Variants in WDR7 observed in about 807,000 individuals in gnomAD.
The protein encoded by WDR7 is WD repeat domain 7, also known as WD repeat-containing protein 7.
Under a neutral mutation model 169.4 loss-of-function variants are expected in WDR7, and 46 were observed. That is an observed-to-expected ratio of 0.27 (90% confidence interval 0.21 to 0.35). WDR7 has a LOEUF of 0.35. WDR7 is among the 10% of genes least tolerant of loss of function. The pLI is 1.00. For missense variants in WDR7, 1,534 were observed against 1,859.3 expected, an observed-to-expected ratio of 0.83 and a Z score of 3.22; for synonymous variants, 612 against 666.8, an observed-to-expected ratio of 0.92 and a Z score of 1.27.
chr18:56,795,790 T>A (rs2044574513), intron 19 of WDR7, among the ~76,000 whole-genome samples: 1 of 152,226 alleles, frequency 6.6e-6, no homozygotes, highest in Non-Finnish European at 1.5e-5. Context: ...TTTTTCTTCT[T>A]AGGGTATAAA....
intron 14 of WDR7, among the ~76,000 whole-genome samples, chr18:56,750,003 A>ATGGGTGTGTGTGTGTGTGCG (rs2043763794): frequency 6.6e-6 from 1 of 150,874 alleles, no homozygotes; most frequent in Non-Finnish European, 1.5e-5. Flanking sequence ...GCTACTGTGT[A>ATGGGTGTGTGTGTGTGTGCG]TGGGTGTGTG....
chr18:56,804,160 A>G (rs1312112851), intron 19 of WDR7, among the ~76,000 whole-genome samples: 2 of 152,238 alleles, frequency 1.3e-5, no homozygotes, highest in East Asian at 1.9e-4. Context: ...GTTTTATACA[A>G]TGACACAAAG....
At chr18:56,769,856 A>AC (rs2044125184) in intron 16 of WDR7, among the ~76,000 whole-genome samples, 1 of 152,226 alleles carries the variant, frequency 6.6e-6, no homozygotes, top group Non-Finnish European at 1.5e-5. Context: ...CATAGAGTCC[A>AC]TACATCATAT....
intron 20 of WDR7, among the ~76,000 whole-genome samples, chr18:56,872,950 C>G (rs1267876416): frequency 1.3e-5 from 2 of 152,148 alleles, no homozygotes; most frequent in Non-Finnish European, 2.9e-5. Flanking sequence ...CATATTTCTT[C>G]TGTTAACAGA....
intron 2 of WDR7, among the ~76,000 whole-genome samples, chr18:56,674,585 T>C (rs1448900136): frequency 6.6e-6 from 1 of 152,224 alleles, no homozygotes; most frequent in Non-Finnish European, 1.5e-5. Flanking sequence ...TTAACAGATA[T>C]AAGATTTACA....
In WDR7 at chr18:56,710,008, T is replaced by TG. The variant is rs1428097070; in HGVS notation, c.1579-7956_1579-7955insG. 8.8e-4 allele frequency among the ~76,000 whole-genome samples: 129 copies of TG among 145,808 alleles called. 1 individual carries two copies. Among genetic ancestry groups the TG allele is most frequent in the African/African-American group, 3.1e-3 (123 of 40,160 alleles). ...ACAATTTATATATATATATAGTTGT[T>TG]TTTTTTTTTTTTTGTGATGGAGTCT... On this transcript the variant is annotated intron_variant, in intron 12 of 27. Coordinates refer to ENST00000254442, the MANE Select transcript of WDR7 (RefSeq NM_015285.3).
chr18:56,999,043 T>C (rs2047938131), intron 26 of WDR7, among the ~76,000 whole-genome samples: 2 of 152,300 alleles, frequency 1.3e-5, no homozygotes, highest in Admixed American at 6.5e-5. Context: ...TGTCTGGGGA[T>C]GTCCTGCAGG....
At chr18:56,857,129 T>G (rs1182101486) in intron 20 of WDR7, among the ~76,000 whole-genome samples, 2 of 152,186 alleles carry the variant, frequency 1.3e-5, no homozygotes, top group African/African-American at 4.8e-5. Context: ...TATAAAACAT[T>G]CAGAGTAATT....
intron 20 of WDR7, among the ~76,000 whole-genome samples, chr18:56,846,131 T>C (rs2045563956): frequency 6.6e-6 from 1 of 152,218 alleles, no homozygotes; most frequent in Non-Finnish European, 1.5e-5. Flanking sequence ...AATACTTTTA[T>C]TTTCTAAAGA....
At chr18:56,981,051 G>A (rs75490896) in intron 26 of WDR7, among the ~76,000 whole-genome samples, 5,697 of 152,226 alleles carry the variant, frequency 0.037, 129 homozygotes, top group Non-Finnish European at 0.053. Context: ...CTAGTTTCAG[G>A]CTATTCCAGA....
intron 16 of WDR7, among the ~76,000 whole-genome samples, chr18:56,761,424 T>A (rs150938212): frequency 7.2e-5 from 11 of 152,338 alleles, no homozygotes; most frequent in African/African-American, 2.2e-4. Context: ...TGATATTCAG[T>A]AGATGAAATC....
intron 7 of WDR7, among the ~76,000 whole-genome samples, chr18:56,689,150 C>A (rs765582362): frequency 1.7e-4 from 26 of 152,170 alleles, no homozygotes; most frequent in Non-Finnish European, 2.5e-4. Context: ...TACAACCCAC[C>A]AGAATGGCTT....
At chr18:56,980,571 A>G (rs920016489) in intron 26 of WDR7, among the ~76,000 whole-genome samples, 1 of 128,520 alleles carries the variant, frequency 7.8e-6, no homozygotes, top group African/African-American at 5.1e-5. Flanking sequence ...GCAAATAATT[A>G]AAGAAACACA....
chr18:56,789,065 G>A (rs1002175120), intron 19 of WDR7, among the ~76,000 whole-genome samples: 1 of 152,066 alleles, frequency 6.6e-6, no homozygotes, highest in Non-Finnish European at 1.5e-5. Context: ...AATTTTAAGC[G>A]CTCTAGACTG....
chr18:56,912,085 G>A (rs1376000743), intron 21 of WDR7, among the ~76,000 whole-genome samples: 2 of 152,180 alleles, frequency 1.3e-5, no homozygotes, highest in African/African-American at 4.8e-5. Flanking sequence ...GTTTAATGGT[G>A]TATGGGTGAC....
At chr18:56,729,883 G>C (rs1243749324) in intron 13 of WDR7, among the ~76,000 whole-genome samples, 3 of 152,156 alleles carry the variant, frequency 2.0e-5, no homozygotes, top group African/African-American at 7.2e-5. Context: ...CTGAATATCT[G>C]TACGGTAAGA....
chr18:56,846,444 C>T (rs951793037), intron 20 of WDR7, among the ~76,000 whole-genome samples: 4 of 152,082 alleles, frequency 2.6e-5, no homozygotes, highest in Admixed American at 6.6e-5. Context: ...TCAGGGGTTC[C>T]CACTTTTGCT....
At chr18:56,753,842 G>A (rs2043831840) in intron 14 of WDR7, among the ~76,000 whole-genome samples, 1 of 151,950 alleles carries the variant, frequency 6.6e-6, no homozygotes, top group South Asian at 2.1e-4. Flanking sequence ...GGTATTTGAT[G>A]TCAGACTGTA....
chr18:56,800,092 C>T (rs1379695454), intron 19 of WDR7, among the ~76,000 whole-genome samples: 1 of 151,906 alleles, frequency 6.6e-6, no homozygotes, highest in African/African-American at 2.4e-5. Context: ...TATACACTGT[C>T]GTATCTCTGT....
Sources: gnomAD v4.1 joint callset for allele counts (sites outside exome capture counted in the v4.1 genomes callset) on GRCh38, gnomAD v4.1.1 for gene constraint, MANE v1.5 for transcripts, NCBI Gene and HGNC (gene_info 2026-07-23, HGNC 2026-07-21) for gene names.